LGSN: variants seen among roughly 807,000 people sequenced by gnomAD.
LGSN encodes the protein lengsin, lens protein with glutamine synthetase domain.
In LGSN, 21 loss-of-function variants were observed where a neutral mutation model predicts 19.5. The observed-to-expected ratio is 1.07, with a 90% CI of 0.76 to 1.55. The LOEUF (loss-of-function observed/expected upper bound fraction) is 1.55. Among genes scored for constraint, LGSN ranks in the 40% most tolerant of loss-of-function variants. The pLI is 0.00. For missense variants in LGSN, 673 were observed against 608.5 expected (o/e 1.11, Z -1.12); for synonymous variants, 257 against 215.6 (o/e 1.19, Z -1.68).
chr6:63,363,317 A>T, the LGSN span, among the ~76,000 whole-genome samples: 1 of 152,248 alleles, frequency 6.6e-6, no homozygotes, highest in African/African-American at 2.4e-5. Flanking sequence ...ACAACTCCTC[A>T]CCAGCAACAG....
chr6:63,477,687 C>CTTTTTTTTT, the LGSN span, among the ~76,000 whole-genome samples: 626 of 61,170 alleles, frequency 0.01, 31 homozygotes, highest in East Asian at 0.012. Flanking sequence ...TTCTTTTTTT[C>CTTTTTTTTT]TTTTTTTTTT....
At chr6:63,386,598 T>C in the LGSN span, among the ~76,000 whole-genome samples, 7 of 152,266 alleles carry the variant, frequency 4.6e-5, no homozygotes, top group South Asian at 1.4e-3. Flanking sequence ...TTCTTGAAAA[T>C]GCTTTGTATC....
the LGSN span, among the ~76,000 whole-genome samples, chr6:63,523,669 A>G: frequency 6.6e-6 from 1 of 152,154 alleles, no homozygotes; most frequent in Non-Finnish European, 1.5e-5. Flanking sequence ...GTGGCCCAGG[A>G]CACTTTCAAT....
chr6:63,524,905 A>G, the LGSN span, among the ~76,000 whole-genome samples: 3 of 152,336 alleles, frequency 2.0e-5, no homozygotes, highest in Middle Eastern at 3.4e-3. Context: ...TTTTGAAGAT[A>G]CCTCAGAGGC....
At chr6:63,442,369 T>C in the LGSN span, among the ~76,000 whole-genome samples, 1 of 152,202 alleles carries the variant, frequency 6.6e-6, no homozygotes, top group South Asian at 2.1e-4. Flanking sequence ...TCGGGCAGCC[T>C]GCTTTTATTC....
chr6:63,411,574 C>G, the LGSN span, among the ~76,000 whole-genome samples: 2 of 152,138 alleles, frequency 1.3e-5, no homozygotes, highest in African/African-American at 4.8e-5. Context: ...GGCATGGTGG[C>G]TACACCTGTA....
the LGSN span, among the ~76,000 whole-genome samples, chr6:63,548,003 G>T: frequency 2.0e-5 from 3 of 152,090 alleles, no homozygotes; most frequent in Admixed American, 6.5e-5. Context: ...TCACAATCAG[G>T]AACTTGTTTA....
upstream of LGSN, among the ~76,000 whole-genome samples, chr6:63,322,591 T>C (rs190990966): frequency 5.3e-5 from 8 of 152,296 alleles, no homozygotes; most frequent in East Asian, 1.5e-3. Context: ...ACACCCTTTA[T>C]TGAAGATAAC....
chr6:63,514,654 A>G, the LGSN span, among the ~76,000 whole-genome samples: 1 of 152,132 alleles, frequency 6.6e-6, no homozygotes, highest in Non-Finnish European at 1.5e-5. Context: ...TAACCACTCT[A>G]TGTCCCCAGT....
chr6:63,456,369 A>ATATACTTTTTTTTTTTTTT, the LGSN span, among the ~76,000 whole-genome samples: 1 of 40,066 alleles, frequency 2.5e-5, no homozygotes, highest in Non-Finnish European at 7.2e-5. Flanking sequence ...ATATATATAT[A>ATATACTTTTTTTTTTTTTT]TATATATATA....
intron 2 of LGSN, among the ~76,000 whole-genome samples, chr6:63,292,220 A>G (rs1767800937): frequency 6.6e-6 from 1 of 152,186 alleles, no homozygotes; most frequent in African/African-American, 2.4e-5. Flanking sequence ...AGCCTTGGAA[A>G]ACCTGAAACA....
chr6:63,535,461 C>T, the LGSN span, among the ~76,000 whole-genome samples: 1 of 151,964 alleles, frequency 6.6e-6, no homozygotes, highest in South Asian at 2.1e-4. Context: ...GAGCGAGACT[C>T]TGTCTTAAAA....
At chr6:63,530,952 C>G in the LGSN span, among the ~76,000 whole-genome samples, 1 of 152,102 alleles carries the variant, frequency 6.6e-6, no homozygotes, top group African/African-American at 2.4e-5. Context: ...AAAATGAGCA[C>G]TATTTTTCTA....
chr6:63,476,548 C>A, the LGSN span, among the ~76,000 whole-genome samples: 1 of 152,180 alleles, frequency 6.6e-6, no homozygotes, highest in Non-Finnish European at 1.5e-5. Context: ...ACAAGGCAGT[C>A]GGTGCTGGCT....
At chr6:63,531,800 A>G in the LGSN span, among the ~76,000 whole-genome samples, 3 of 149,996 alleles carry the variant, frequency 2.0e-5, no homozygotes, top group African/African-American at 7.4e-5. Context: ...CTCCCATAAC[A>G]CTTTTATCTG....
the LGSN span, among the ~76,000 whole-genome samples, chr6:63,514,154 T>C: frequency 6.6e-6 from 1 of 152,182 alleles, no homozygotes; most frequent in East Asian, 1.9e-4. Context: ...AAAGGCACAC[T>C]ACAAATAAGT....
chr6:63,472,811 G>A, the LGSN span, among the ~76,000 whole-genome samples: 1 of 151,880 alleles, frequency 6.6e-6, no homozygotes, highest in African/African-American at 2.4e-5. Flanking sequence ...CGTGGTGGCA[G>A]ACACCTGTAG....
the LGSN span, among the ~76,000 whole-genome samples, chr6:63,363,118 C>A: frequency 3.2e-4 from 49 of 152,206 alleles, no homozygotes; most frequent in Non-Finnish European, 5.7e-4. Flanking sequence ...CTCCAACAGA[C>A]CTGCAGCTGA....
At chr6:63,361,644 G>C in the LGSN span, among the ~76,000 whole-genome samples, 2 of 151,898 alleles carry the variant, frequency 1.3e-5, no homozygotes, top group African/African-American at 4.8e-5. Context: ...CTCAGGCTCG[G>C]TGCACTGCAC....
Sources: gnomAD v4.1 joint callset for allele counts (sites outside exome capture counted in the v4.1 genomes callset) on GRCh38, gnomAD v4.1.1 for gene constraint, MANE v1.5 for transcripts, NCBI Gene and HGNC (gene_info 2026-07-23, HGNC 2026-07-21) for gene names.